ANK2: variants seen among roughly 807,000 people sequenced by gnomAD.
ANK2 encodes ankyrin-2.
In ANK2, 83 loss-of-function variants were observed where a neutral mutation model predicts 360.5. The ratio of observed to expected loss-of-function variants is 0.23; its 90% CI spans 0.19 to 0.28. The LOEUF is 0.28. Among genes scored for constraint, ANK2 ranks in the 10% least tolerant of loss-of-function variants. The pLI, the probability that ANK2 is intolerant of heterozygous loss-of-function variation, is 1.00. For missense variants in ANK2, 4,201 were observed against 4,795.7 expected, an observed-to-expected ratio of 0.88 and a Z score of 3.66; for synonymous variants, 1,740 against 1,759.5, an observed-to-expected ratio of 0.99 and a Z score of 0.28.
chr4:113,097,891 C>CACAT, intron 1 of ANK2, among the ~76,000 whole-genome samples: 1 of 136,852 alleles, frequency 7.3e-6, no homozygotes, highest in African/African-American at 2.7e-5. Context: ...CACACACACA[C>CACAT]GCACACACAC....
intron 1 of ANK2, among the ~76,000 whole-genome samples, chr4:112,847,384 C>G (rs1306593758): frequency 1.3e-5 from 2 of 152,172 alleles, no homozygotes; most frequent in African/African-American, 2.4e-5. Context: ...TTCTTTATAT[C>G]TTACTCTCCA....
chr4:113,141,282 T>TC (rs1188825197), intron 1 of ANK2: 4 of 152,188 alleles, frequency 2.6e-5, no homozygotes, highest in African/African-American at 7.2e-5. Context: ...GTTTTCATCC[T>TC]CCCTGTGAGT....
rs2154073466 is a variant in ANK2 at position 113,373,080 on chromosome 4, A to G, written c.11611-10A>G. 1.2e-6 allele frequency: 2 copies of G among 1,612,416 alleles called. No individual in the cohort carries two copies. Among genetic ancestry groups the G allele is most frequent in the South Asian group, 1.1e-5 (1 of 91,048 alleles). ...AACACCACAGTGACCCTTTTCTCTCAACTGTTTAGGGAGACGATATGCCTG... is the reference window on the plus strand; with the variant it reads ...AACACCACAGTGACCCTTTTCTCTCGACTGTTTAGGGAGACGATATGCCTG... On this transcript the variant is annotated splice_polypyrimidine_tract_variant and intron_variant, in intron 43 of 45. Transcript: ENST00000357077.
Position 113,355,891 on chromosome 4 carries a change from G to A in ANK2, c.7273G>A (p.Ala2425Thr). Residue 2425 changes from alanine to threonine, a missense_variant, in exon 38 of 46, where the codon GCT (alanine) becomes ACT (threonine). Transcript: ENST00000357077. ...AGATAGCGAAGTCCTCAGCGCTGTGGCTGATGACTCATTAGCAGTGAGCCA... is the reference window on the plus strand; with the variant it reads ...AGATAGCGAAGTCCTCAGCGCTGTGACTGATGACTCATTAGCAGTGAGCCA... ...SRDSEVLSAV[A>T]DDSLAVSHKD... The A allele has an allele frequency of 1.2e-6, 2 of 1,614,082 alleles. No individual in the cohort carries two copies. The highest frequency in any genetic ancestry group is 2.2e-5 in the South Asian group (2 of 91,070).
At chr4:112,917,584 G>C (rs556153639) in intron 2 of ANK2, among the ~76,000 whole-genome samples, 1 of 152,286 alleles carries the variant, frequency 6.6e-6, no homozygotes, top group East Asian at 1.9e-4. Context: ...AACCTCAACT[G>C]TTTGGTTATT....
intron 2 of ANK2, among the ~76,000 whole-genome samples, chr4:113,184,079 A>G (rs2098467903): frequency 6.7e-6 from 1 of 149,562 alleles, no homozygotes; most frequent in African/African-American, 2.4e-5. Flanking sequence ...AGTATGCATC[A>G]CTTGAGTAGA....
intron 1 of ANK2, among the ~76,000 whole-genome samples, chr4:113,096,346 A>G (rs1393306974): frequency 2.0e-5 from 3 of 152,158 alleles, no homozygotes; most frequent in Non-Finnish European, 4.4e-5. Flanking sequence ...ATAGTAGTTC[A>G]TTTCTCTCCC....
At chr4:112,718,868 C>T in the ANK2 span, among the ~76,000 whole-genome samples, 7 of 152,120 alleles carry the variant, frequency 4.6e-5, no homozygotes, top group Non-Finnish European at 7.3e-5. Flanking sequence ...AACTCCTGAC[C>T]TCAGGTGATC....
rs575908653 is a variant in ANK2 at position 113,112,774 on chromosome 4, T to A, written c.85-61642T>A. Among the ~76,000 whole-genome samples, 4 of 152,262 alleles carry A rather than the reference T, an allele frequency of 2.6e-5. No homozygotes were observed. The East Asian group carries it at 7.7e-4, about 29-fold the overall frequency. On this transcript the variant is annotated intron_variant, in intron 1 of 45. Coordinates refer to ENST00000357077, the MANE Select transcript of ANK2 (RefSeq NM_001148.6). The stretch of plus-strand genomic sequence containing the variant: ...GGGGGGTCTTGAGACTGCTTCTACA[T>A]CTCCTTCTCAGCCTATGAAAACCGC...
At chr4:113,128,976 A>G (rs1378018531) in intron 1 of ANK2, among the ~76,000 whole-genome samples, 2 of 152,178 alleles carry the variant, frequency 1.3e-5, no homozygotes, top group Non-Finnish European at 2.9e-5. Flanking sequence ...AGAAAATATA[A>G]CTTCTTGGGA....
At chr4:113,090,966 A>T (rs2087706295) in intron 1 of ANK2, among the ~76,000 whole-genome samples, 2 of 152,194 alleles carry the variant, frequency 1.3e-5, no homozygotes, top group South Asian at 4.1e-4. Flanking sequence ...ATAAACAAAC[A>T]CAATTTGAGG....
chr4:112,987,043 A>AC (rs1243503784), intron 2 of ANK2, among the ~76,000 whole-genome samples: 2 of 152,144 alleles, frequency 1.3e-5, no homozygotes. Flanking sequence ...AAACACACAC[A>AC]AAAAAAATTT....
rs529936151 is a variant in ANK2, at chr4:113,094,556, G to A, written c.84+44744G>A. ...TGTGTGTGCATGCATGTGTGTGCGC[G>A]TGTGTGTATAAACATTGAAGCTGCA... On this transcript the variant is annotated intron_variant, in intron 1 of 45. Transcript: ENST00000357077. 9.2e-5 allele frequency among the ~76,000 whole-genome samples: 14 copies of A among 151,902 alleles called. No homozygotes were observed. The East Asian group carries it at 2.4e-3, about 26-fold the overall frequency.
the ANK2 span, chr4:112,739,149 A>G: frequency 2.6e-6 from 1 of 381,788 alleles, no homozygotes; most frequent in East Asian, 6.2e-5. Context: ...AACCGTAAAA[A>G]CTGCCAAGAA....
At chr4:112,834,879 T>C (rs1314365422) in intron 1 of ANK2, among the ~76,000 whole-genome samples, 1 of 152,226 alleles carries the variant, frequency 6.6e-6, no homozygotes, top group Non-Finnish European at 1.5e-5. Flanking sequence ...ATCTATTCTG[T>C]AGAAGGCCCC....
intron 2 of ANK2, among the ~76,000 whole-genome samples, chr4:112,933,763 G>A (rs866079190): frequency 3.3e-5 from 5 of 152,190 alleles, no homozygotes; most frequent in African/African-American, 7.2e-5. Context: ...GCCTCCCAAC[G>A]TGCTGAGATT....
At chr4:113,259,779 C>T (rs527258343) in intron 13 of ANK2, among the ~76,000 whole-genome samples, 1 of 150,776 alleles carries the variant, frequency 6.6e-6, no homozygotes, top group African/African-American at 2.4e-5. Flanking sequence ...TCATCCCCCC[C>T]CTTTTTTTTT....
At chr4:113,181,032 A>C (rs1413996667) in intron 2 of ANK2, among the ~76,000 whole-genome samples, 1 of 152,176 alleles carries the variant, frequency 6.6e-6, no homozygotes, top group African/African-American at 2.4e-5. Context: ...GAGTACTTAG[A>C]AATTTTAGTT....
intron 1 of ANK2, among the ~76,000 whole-genome samples, chr4:113,115,384 G>T (rs563132894): frequency 6.6e-6 from 1 of 152,198 alleles, no homozygotes; most frequent in Admixed American, 6.5e-5. Context: ...GAAAGCTAAT[G>T]CTCCCCATAT....
Sources: allele counts gnomAD v4.1 joint callset (sites outside exome capture counted in the v4.1 genomes callset), GRCh38; gene constraint gnomAD v4.1.1; transcripts MANE v1.5; gene names NCBI Gene and HGNC (gene_info 2026-07-23, HGNC 2026-07-21).